The following ANKIB1 variants were observed in gnomAD, a reference collection of about 807,000 sequenced individuals.
The protein encoded by ANKIB1 is ankyrin repeat and IBR domain containing 1.
In ANKIB1, 43 loss-of-function variants were observed where a neutral mutation model predicts 122.1. That is an observed-to-expected ratio of 0.35 (90% CI 0.28 to 0.45). The LOEUF is 0.45. ANKIB1 is among the 20% of genes least tolerant of loss of function. ANKIB1 has a pLI of 1.00. For synonymous variants in ANKIB1, 390 were observed against 442.0 expected (o/e 0.88, Z 1.48); for missense variants, 992 against 1,329.5 (o/e 0.75, Z 3.95).
chr7:92,371,724 T>TC, intron 11 of ANKIB1, 117 bp downstream of exon 11: 1 of 1,185,460 alleles, frequency 8.4e-7, no homozygotes, highest in Non-Finnish European at 1.2e-6. Flanking sequence ...TTGCCTATAA[T>TC]CCCAGCACTT....
intron 9 of ANKIB1, among the ~76,000 whole-genome samples, chr7:92,356,909 T>TA (rs1562791398): frequency 6.6e-6 from 1 of 152,224 alleles, no homozygotes; most frequent in East Asian, 1.9e-4. Context: ...CTTGGTATCC[T>TA]AAAAAATGTT....
At chr7:92,331,554 A>G (rs376043301) in intron 5 of ANKIB1, among the ~76,000 whole-genome samples, 3 of 151,952 alleles carry the variant, frequency 2.0e-5, no homozygotes, top group African/African-American at 4.8e-5. Flanking sequence ...GATTACAGGC[A>G]TGAGCCACCA....
At chr7:92,328,681 AAAAAG>A (rs1803083564) in intron 5 of ANKIB1, among the ~76,000 whole-genome samples, 2 of 152,030 alleles carry the variant, frequency 1.3e-5, no homozygotes, top group African/African-American at 4.8e-5. Flanking sequence ...AAACACATTT[AAAAAG>A]AAAAGTAAAT....
At chr7:92,313,833 A>T (rs1044746600) in intron 3 of ANKIB1, among the ~76,000 whole-genome samples, 1 of 152,194 alleles carries the variant, frequency 6.6e-6, no homozygotes, top group African/African-American at 2.4e-5. Flanking sequence ...GATTATTTGC[A>T]TGGCAGAGTT....
intron 9 of ANKIB1, among the ~76,000 whole-genome samples, chr7:92,353,226 G>A (rs1436082766): frequency 6.6e-6 from 1 of 152,164 alleles, no homozygotes; most frequent in Non-Finnish European, 1.5e-5. Flanking sequence ...CCCAGGAGAT[G>A]CTAATGAACA....
chr7:92,254,958 TAGTG>T lies in ANKIB1; in HGVS notation c.-91+8443_-91+8446del, dbSNP rs757130225. Among the ~76,000 whole-genome samples the T allele has an allele frequency of 4.6e-5, 7 of 152,302 alleles. No homozygotes were observed. In the South Asian group the frequency reaches 1.2e-3, roughly 27 times the overall value. ...GGTCTTTCCCGTGCTGTTCTCATGATAGTGAGTAAGTCACACAAGATCTGATGGT... is the reference window on the plus strand; with the variant it reads ...GGTCTTTCCCGTGCTGTTCTCATGATAGTAAGTCACACAAGATCTGATGGT... On this transcript the variant is annotated intron_variant, in intron 1 of 19. Transcript: ENST00000265742.
intron 1 of ANKIB1, among the ~76,000 whole-genome samples, chr7:92,249,964 T>G (rs1472495377): frequency 1.3e-5 from 2 of 152,192 alleles, no homozygotes; most frequent in Non-Finnish European, 2.9e-5. Context: ...TCTTGTAATA[T>G]TCTCGAAAAG....
At chr7:92,279,201 G>C (rs1222193401) in intron 1 of ANKIB1, among the ~76,000 whole-genome samples, 1 of 152,116 alleles carries the variant, frequency 6.6e-6, no homozygotes, top group African/African-American at 2.4e-5. Flanking sequence ...TCACTTGCCC[G>C]CTGCTCACCT....
chr7:92,368,707 C>T (rs552520521), intron 10 of ANKIB1, among the ~76,000 whole-genome samples: 103 of 149,432 alleles, frequency 6.9e-4, no homozygotes, highest in Non-Finnish European at 1.3e-3. Context: ...GGCGACAGTG[C>T]GAGACTCCGT....
At chr7:92,309,516 A>G (rs1201749629) in intron 3 of ANKIB1, among the ~76,000 whole-genome samples, 1 of 152,178 alleles carries the variant, frequency 6.6e-6, no homozygotes, top group Non-Finnish European at 1.5e-5. Flanking sequence ...GTGTTTACCT[A>G]TTGTGGAAGA....
chr7:92,285,378 T>G (rs1802098749), intron 1 of ANKIB1, among the ~76,000 whole-genome samples: 1 of 152,218 alleles, frequency 6.6e-6, no homozygotes, highest in African/African-American at 2.4e-5. Flanking sequence ...CACACAAATT[T>G]TATACTATAA....
chr7:92,374,188 A>C (rs1271671603), intron 11 of ANKIB1, among the ~76,000 whole-genome samples: 2 of 152,144 alleles, frequency 1.3e-5, no homozygotes, highest in Non-Finnish European at 2.9e-5. Context: ...AGTAAAATAG[A>C]GATTAAGGCC....
At chr7:92,314,340 T>G (rs1353080725) in intron 3 of ANKIB1, among the ~76,000 whole-genome samples, 3 of 151,936 alleles carry the variant, frequency 2.0e-5, no homozygotes, top group Non-Finnish European at 4.4e-5. Flanking sequence ...GAGAGTGATA[T>G]TATGAAAGCA....
At position 92,331,625 on chromosome 7, in the gene ANKIB1, C is replaced by T. The variant is rs536030906; in HGVS notation, c.787+3725C>T. ...GGGGATTATCTAGGCCTACTAGTTA[C>T]AGTAGCCAGCTAGTCAGAAAGAGAA... On this transcript the variant is annotated intron_variant, in intron 5 of 19. Transcript: ENST00000265742. Among the ~76,000 whole-genome samples the T allele has an allele frequency of 3.0e-4, 45 of 152,182 alleles. 2 individuals carry two copies. In the South Asian group the frequency reaches 9.1e-3, roughly 31 times the overall value.
chr7:92,278,143 C>G (rs1801942149), intron 1 of ANKIB1, among the ~76,000 whole-genome samples: 1 of 151,624 alleles, frequency 6.6e-6, no homozygotes, highest in Non-Finnish European at 1.5e-5. Context: ...CCTAGCTACT[C>G]AGGAGGCTAA....
At chr7:92,310,222 C>G (rs1250357393) in intron 3 of ANKIB1, among the ~76,000 whole-genome samples, 3 of 151,768 alleles carry the variant, frequency 2.0e-5, no homozygotes, top group Non-Finnish European at 4.4e-5. Context: ...ACTGTTTGAC[C>G]TATCAGCATA....
At chr7:92,343,434 G>GA (rs1366502341) in intron 6 of ANKIB1, among the ~76,000 whole-genome samples, 2 of 149,690 alleles carry the variant, frequency 1.3e-5, no homozygotes, top group South Asian at 2.1e-4. Context: ...ATTATAGATT[G>GA]AAAAAAAAAG....
Position 92,398,742 on chromosome 7 carries a change from T to G in ANKIB1, c.3063T>G (p.Asp1021Glu). The change falls in exon 20 of 20, where the codon GAT becomes GAG. Residue 1021 changes from aspartate to glutamate, a missense_variant. Asp to Glu is a conservative substitution (Grantham distance 45). Around this residue, in one of 4 missense-constraint regions of ANKIB1, gnomAD observed 384 missense variants for 412.0 expected, o/e 0.93. Coordinates refer to ENST00000265742, the MANE Select transcript of ANKIB1 (RefSeq NM_019004.2). ...VKDVELVLPE[D>E]SMFEDASVSE... ...ATGTGGAACTGGTGCTGCCAGAAGA[T>G]TCAATGTTTGAAGATGCCAGTGTCA... The G allele has an allele frequency of 1.2e-6, 2 of 1,613,486 alleles. No individual in the cohort carries two copies. The highest frequency in any genetic ancestry group is 4.5e-5 in the East Asian group (2 of 44,828).
At chr7:92,386,420 T>C in intron 11 of ANKIB1, 89 bp from the exon 12 acceptor site, 1 of 1,356,032 alleles carries the variant, frequency 7.4e-7, no homozygotes, top group South Asian at 1.7e-5. Flanking sequence ...GCACAATTAT[T>C]TAATCTTTAC....
Sources: gnomAD v4.1 joint callset for allele counts (sites outside exome capture counted in the v4.1 genomes callset) on GRCh38, gnomAD v4.1.1 for gene constraint, gnomAD v4.1.1 regional missense constraint, MANE v1.5 for transcripts, NCBI Gene and HGNC (gene_info 2026-07-23, HGNC 2026-07-21) for gene names.